Variants in LSAMP observed in about 807,000 individuals in gnomAD.
LSAMP encodes the protein limbic system associated membrane protein.
LSAMP carries 7 observed loss-of-function variants against 38.6 expected under a neutral mutation model. That is an observed-to-expected ratio of 0.18 (90% CI 0.10 to 0.34). The LOEUF (loss-of-function observed/expected upper bound fraction) is 0.34, where lower values mean the gene tolerates loss of function less well. Ranked by LOEUF, LSAMP falls within the 10% of genes least tolerant of loss-of-function variation. The pLI is 1.00. For synonymous variants in LSAMP, 154 were observed against 166.8 expected (o/e 0.92, Z 0.59); for missense variants, 313 against 420.0 (o/e 0.75, Z 2.23).
chr3:115,954,185 T>C (rs1447604773), intron 3 of LSAMP, among the ~76,000 whole-genome samples: 5 of 152,242 alleles, frequency 3.3e-5, no homozygotes, highest in African/African-American at 7.2e-5. Flanking sequence ...CTGGGTCTGC[T>C]TATTTGGAAT....
intron 2 of LSAMP, among the ~76,000 whole-genome samples, chr3:116,062,265 T>C (rs923431225): frequency 6.6e-6 from 1 of 152,154 alleles, no homozygotes; most frequent in Non-Finnish European, 1.5e-5. Context: ...TCCCAGCACT[T>C]TGGGACACCA....
intron 3 of LSAMP, among the ~76,000 whole-genome samples, chr3:115,952,266 C>T (rs542637485): frequency 1.8e-4 from 28 of 152,258 alleles, no homozygotes; most frequent in South Asian, 1.7e-3. Context: ...CACTTGCACA[C>T]GCATGTTTAT....
chr3:115,962,343 A>G (rs147647489), intron 3 of LSAMP, among the ~76,000 whole-genome samples: 124 of 152,334 alleles, frequency 8.1e-4, no homozygotes, highest in Non-Finnish European at 1.6e-3. Flanking sequence ...ATAGTACTTT[A>G]TACAAAACAG....
rs766609608 is a variant in LSAMP at position 116,353,163 on chromosome 3, T to C, written c.155+91714A>G. 9.3e-4 allele frequency among the ~76,000 whole-genome samples: 141 copies of C among 152,150 alleles called. 4 individuals carry two copies. Among genetic ancestry groups the C allele is most frequent in the Admixed American group, 5.9e-4 (9 of 15,270 alleles). On this transcript the variant is annotated intron_variant, in intron 1 of 6. Transcript: ENST00000490035. ...AGACATTAGGTTCATGAGACAGAGA[T>C]ACAGCTGCAGGCAAACCAAGAGGAA...
intron 1 of LSAMP, among the ~76,000 whole-genome samples, chr3:116,153,506 G>A (rs924138294): frequency 5.3e-5 from 8 of 151,994 alleles, no homozygotes; most frequent in African/African-American, 1.7e-4. Flanking sequence ...AACTCAACAA[G>A]GATAAAAATA....
At chr3:116,243,180 A>G (rs1275938328) in intron 1 of LSAMP, among the ~76,000 whole-genome samples, 3 of 152,174 alleles carry the variant, frequency 2.0e-5, no homozygotes, top group Non-Finnish European at 2.9e-5. Context: ...CTGGGGCTGT[A>G]GAAGAGATTC....
chr3:115,898,396 C>G (rs1936782851), intron 3 of LSAMP, among the ~76,000 whole-genome samples: 1 of 152,140 alleles, frequency 6.6e-6, no homozygotes, highest in East Asian at 1.9e-4. Context: ...ATAAGGTGCA[C>G]TTTGGGAAAT....
intron 3 of LSAMP, among the ~76,000 whole-genome samples, chr3:115,962,042 G>C (rs1938643802): frequency 1.3e-5 from 2 of 152,148 alleles, no homozygotes; most frequent in African/African-American, 4.8e-5. Flanking sequence ...GCACTGGCCT[G>C]CACATTTTCT....
chr3:115,937,491 A>C (rs1937743359), intron 3 of LSAMP, among the ~76,000 whole-genome samples: 1 of 151,240 alleles, frequency 6.6e-6, no homozygotes, highest in African/African-American at 2.4e-5. Context: ...AAATCAAAAA[A>C]ATAGCCAAAC....
chr3:116,406,725 A>G (rs190141089), intron 1 of LSAMP, among the ~76,000 whole-genome samples: 2 of 152,138 alleles, frequency 1.3e-5, no homozygotes, highest in African/African-American at 4.8e-5. Context: ...CCATGCACAC[A>G]GCACCCCCAT....
At chr3:116,150,252 C>T (rs909430601) in intron 1 of LSAMP, among the ~76,000 whole-genome samples, 1 of 151,948 alleles carries the variant, frequency 6.6e-6, no homozygotes, top group Admixed American at 6.6e-5. Context: ...ACTTAAGTCA[C>T]CAAATATTTT....
At chr3:116,182,275 AT>A (rs201761706) in intron 1 of LSAMP, among the ~76,000 whole-genome samples, 2,538 of 151,884 alleles carry the variant, frequency 0.017, 33 homozygotes, top group Middle Eastern at 0.031. Flanking sequence ...TTTTCAGAAA[AT>A]ACATTTTCTA....
intron 3 of LSAMP, among the ~76,000 whole-genome samples, chr3:115,876,569 G>A (rs1936185337): frequency 6.6e-6 from 1 of 152,056 alleles, no homozygotes; most frequent in Non-Finnish European, 1.5e-5. Context: ...TCTGCCACAG[G>A]TTCATTCTCT....
At chr3:115,927,884 C>A (rs1362619303) in intron 3 of LSAMP, among the ~76,000 whole-genome samples, 1 of 152,206 alleles carries the variant, frequency 6.6e-6, no homozygotes, top group Admixed American at 6.5e-5. Context: ...AGCCACATAC[C>A]TCGAGACCAT....
chr3:116,429,568 A>T (rs1409171870), intron 1 of LSAMP, among the ~76,000 whole-genome samples: 1 of 152,216 alleles, frequency 6.6e-6, no homozygotes, highest in Non-Finnish European at 1.5e-5. Flanking sequence ...GAAATAACAG[A>T]TTTACTTATA....
At chr3:115,860,957 C>T (rs991943416) in intron 3 of LSAMP, among the ~76,000 whole-genome samples, 2 of 151,998 alleles carry the variant, frequency 1.3e-5, no homozygotes, top group African/African-American at 4.8e-5. Flanking sequence ...TGTGAGGTAC[C>T]ACTACATCTC....
chr3:116,244,191 T>C (rs1043114216), intron 1 of LSAMP, among the ~76,000 whole-genome samples: 2 of 152,220 alleles, frequency 1.3e-5, no homozygotes, highest in African/African-American at 4.8e-5. Context: ...TTGAGTCCTA[T>C]GCTATCCTGA....
At chr3:116,444,824 A>G in intron 1 of LSAMP, 53 bp downstream of exon 1, 2 of 1,564,436 alleles carry the variant, frequency 1.3e-6, no homozygotes, top group Non-Finnish European at 1.7e-6. Flanking sequence ...ACACACACAC[A>G]CACACACACA....
At chr3:116,171,359 G>C (rs1366234582) in intron 1 of LSAMP, among the ~76,000 whole-genome samples, 1 of 152,034 alleles carries the variant, frequency 6.6e-6, no homozygotes, top group Non-Finnish European at 1.5e-5. Context: ...AATCATGCAG[G>C]AATATAGAAA....
Sources: gnomAD v4.1 joint callset for allele counts (sites outside exome capture counted in the v4.1 genomes callset) on GRCh38, gnomAD v4.1.1 for gene constraint, MANE v1.5 for transcripts, NCBI Gene and HGNC (gene_info 2026-07-23, HGNC 2026-07-21) for gene names.